Variants in ANK1 observed in about 807,000 individuals in gnomAD.
ANK1 encodes ankyrin 1.
Under a neutral mutation model 210.4 loss-of-function variants are expected in ANK1, and 51 were observed. The ratio of observed to expected loss-of-function variants is 0.24; its 90% confidence interval spans 0.19 to 0.31. The LOEUF is 0.31. Ranked by LOEUF, ANK1 falls within the 10% of genes least tolerant of loss-of-function variation. ANK1 has a pLI of 1.00. For synonymous variants in ANK1, 967 were observed against 1,025.9 expected, an observed-to-expected ratio of 0.94 and a Z score of 1.10; for missense variants, 2,051 against 2,504.4, an observed-to-expected ratio of 0.82 and a Z score of 3.86.
chr8:41,804,597 T>C (rs1485874794), intron 1 of ANK1, among the ~76,000 whole-genome samples: 2 of 152,180 alleles, frequency 1.3e-5, no homozygotes, highest in African/African-American at 2.4e-5. Flanking sequence ...GCCCGCAAAA[T>C]AATCTGGTCT....
chr8:41,672,810 A>C lies in ANK1; in HGVS notation c.4640T>G (p.Leu1547Arg). 1 of 1,608,482 alleles carries C rather than the reference A, an allele frequency of 6.2e-7. No individual in the cohort carries two copies. The highest frequency in any genetic ancestry group is 2.2e-5 in the East Asian group (1 of 44,768). The change falls in exon 38 of 43, where the codon CTA becomes CGA. Residue 1547 changes from leucine to arginine, a missense_variant. Leu to Arg is a moderately radical substitution (Grantham distance 102). Around this residue, in one of 6 missense-constraint regions of ANK1, gnomAD observed 496 missense variants for 533.4 expected, o/e 0.93. Transcript: ENST00000289734. ...CGTGGCCGCCAAGGGGATGGCGTCT[A>C]GGACGGCCACCTCATTCCAGTACTG... ...ADQYWNEVAV[L>R]DAIPLAATEH...
At chr8:41,886,814 G>C (rs112377499) in intron 1 of ANK1, among the ~76,000 whole-genome samples, 1 of 152,210 alleles carries the variant, frequency 6.6e-6, no homozygotes, top group African/African-American at 2.4e-5. Context: ...TTCATTCTAA[G>C]GGCAATTAGG....
intron 2 of ANK1, among the ~76,000 whole-genome samples, chr8:41,748,276 A>G (rs983754950): frequency 1.3e-5 from 2 of 152,338 alleles, no homozygotes; most frequent in Non-Finnish European, 2.9e-5. Flanking sequence ...TTAATACCAC[A>G]ACACCATCAT....
intron 7 of ANK1, among the ~76,000 whole-genome samples, chr8:41,723,978 C>T (rs1326311444): frequency 2.6e-5 from 4 of 151,580 alleles, no homozygotes; most frequent in East Asian, 3.9e-4. Context: ...TTAGTAGAGA[C>T]GGGGTTTCAC....
rs1444199868 is a variant in ANK1 at position 41,704,055 on chromosome 8, T to G, written c.2281A>C (p.Asn761His). Residue 761 changes from asparagine to histidine, a missense_variant, in exon 20 of 43, where the codon AAC becomes CAC. Around this residue, in one of 6 missense-constraint regions of ANK1, gnomAD observed 1,413 missense variants for 1,707.4 expected, o/e 0.83. Coordinates refer to ENST00000289734, the MANE Select transcript of ANK1 (RefSeq NM_000037.4). The surrounding 1 kb of genome is among the most constrained non-coding windows in gnomAD (Gnocchi z 4.1). The stretch of plus-strand genomic sequence containing the variant: ...AGTGTACTCACCGAGCTGACCTCGT[T>G]TGGGGAAGCACCGTTTTTCAGAAGC... ...TLLLKNGASP[N>H]EVSSDGTTPL... The G allele has an allele frequency of 2.5e-6, 4 of 1,614,038 alleles. No individual in the cohort carries two copies. The highest frequency in any genetic ancestry group is 3.4e-6 in the Non-Finnish European group (4 of 1,179,978).
intron 1 of ANK1, among the ~76,000 whole-genome samples, chr8:41,853,935 A>G (rs1811729888): frequency 1.3e-5 from 2 of 152,120 alleles, no homozygotes; most frequent in South Asian, 4.1e-4. Context: ...CCCCTGGGTT[A>G]ATATTTTATT....
intron 42 of ANK1, among the ~76,000 whole-genome samples, chr8:41,658,474 G>A (rs10504042): frequency 0.6 from 90,751 of 152,108 alleles, 27,594 homozygotes; most frequent in African/African-American, 0.71. Context: ...AGCTTAGGGC[G>A]GTTAAATGAC....
At chr8:41,845,172 C>T (rs1203580103) in intron 1 of ANK1, among the ~76,000 whole-genome samples, 1 of 152,050 alleles carries the variant, frequency 6.6e-6, no homozygotes, top group Non-Finnish European at 1.5e-5. Context: ...ATTGCCTGAG[C>T]TCAGGAGTTC....
At chr8:41,769,434 C>T (rs1045618957) in intron 1 of ANK1, among the ~76,000 whole-genome samples, 3 of 152,220 alleles carry the variant, frequency 2.0e-5, no homozygotes, top group Non-Finnish European at 4.4e-5. Flanking sequence ...GTTACTGGAA[C>T]ATCCCTGATC....
chr8:41,837,041 G>A lies in ANK1; in HGVS notation c.126+59314C>T, dbSNP rs575313661. On this transcript the variant is annotated intron_variant, in intron 1 of 42. Coordinates refer to the ANK1 transcript ENST00000265709. ...TGTGACGTCCCCCCAAGGGCAATGA[G>A]CATTGGTTAAATGAGATAAAACCAG... 1.1e-3 allele frequency among the ~76,000 whole-genome samples: 161 copies of A among 152,286 alleles called. 1 individual carries two copies. The highest frequency in any genetic ancestry group is 3.8e-3 in the African/African-American group (158 of 41,550).
intron 17 of ANK1, among the ~76,000 whole-genome samples, chr8:41,707,059 T>C (rs762205039): frequency 9.9e-5 from 15 of 152,192 alleles, no homozygotes; most frequent in Non-Finnish European, 1.9e-4. Flanking sequence ...AAGATTGCAC[T>C]ACTGCACTTC....
At chr8:41,821,421 G>T (rs1273543012) in intron 1 of ANK1, among the ~76,000 whole-genome samples, 1 of 152,074 alleles carries the variant, frequency 6.6e-6, no homozygotes, top group Non-Finnish European at 1.5e-5. Context: ...TAAAAAGAAA[G>T]CTCTTTAGGG....
chr8:41,713,518 G>A (rs1424307458), intron 16 of ANK1, among the ~76,000 whole-genome samples: 1 of 152,258 alleles, frequency 6.6e-6, no homozygotes, highest in East Asian at 1.9e-4. Context: ...CGAAGCTGGT[G>A]TGAGGCTGGG....
intron 1 of ANK1, among the ~76,000 whole-genome samples, chr8:41,785,730 A>G (rs1309345711): frequency 6.6e-6 from 1 of 152,168 alleles, no homozygotes; most frequent in Non-Finnish European, 1.5e-5. Context: ...GAGTTGCCGA[A>G]TTGATCTTGC....
intron 1 of ANK1, among the ~76,000 whole-genome samples, chr8:41,822,692 A>T (rs1333830774): frequency 6.6e-6 from 1 of 152,180 alleles, no homozygotes; most frequent in East Asian, 1.9e-4. Context: ...GCTTGCAATG[A>T]GGATGATGAG....
rs780613780 is a variant in ANK1, at chr8:41,715,023, C to A, written c.1654G>T (p.Ala552Ser). Residue 552 changes from alanine to serine, a missense_variant, in exon 15 of 43, where the codon GCA becomes TCA. This residue lies in a region of ANK1 where 1,413 missense variants were observed against 1,707.4 expected (regional missense o/e 0.83). Transcript: ENST00000289734. ...GCGTCCCGCTCCAGCAGCAGCTCTG[C>A]CACCCGCACCTTCCCGTACTTGGCC... ...VAAKYGKVRVAELLLERDAHP... is the reference protein window; with the variant it reads ...VAAKYGKVRVSELLLERDAHP... The A allele has an allele frequency of 6.2e-7, 1 of 1,614,192 alleles. No individual in the cohort carries two copies. The highest frequency in any genetic ancestry group is 2.2e-5 in the East Asian group (1 of 44,882).
chr8:41,770,438 C>T (rs578201486), intron 1 of ANK1, among the ~76,000 whole-genome samples: 1 of 152,310 alleles, frequency 6.6e-6, no homozygotes, highest in African/African-American at 2.4e-5. Context: ...ATTCAAAGCT[C>T]AGTAGCAAAA....
intron 38 of ANK1, among the ~76,000 whole-genome samples, chr8:41,669,612 C>T (rs1195090576): frequency 6.6e-6 from 1 of 152,196 alleles, no homozygotes; most frequent in Non-Finnish European, 1.5e-5. Flanking sequence ...CTGGTATCTT[C>T]ATCCTTGCAG....
At chr8:41,780,476 C>T (rs73675128) in intron 1 of ANK1, among the ~76,000 whole-genome samples, 1,674 of 152,368 alleles carry the variant, frequency 0.011, 41 homozygotes, top group African/African-American at 0.038. Context: ...TTCTCCTCTT[C>T]TCTGGGGGGT....
Sources: allele counts gnomAD v4.1 joint callset (sites outside exome capture counted in the v4.1 genomes callset), GRCh38; gene constraint gnomAD v4.1.1; regional missense constraint gnomAD v4.1.1; non-coding constraint Gnocchi (gnomAD v3.1); transcripts MANE v1.5; gene names NCBI Gene and HGNC (gene_info 2026-07-23, HGNC 2026-07-21).